SFSWAP: variants seen among roughly 807,000 people sequenced by gnomAD.
The protein encoded by SFSWAP is splicing factor, suppressor of white-apricot homolog.
In SFSWAP, 17 loss-of-function variants were observed where a neutral mutation model predicts 100.7. The observed-to-expected ratio is 0.17, with a 90% CI of 0.12 to 0.25. The LOEUF (loss-of-function observed/expected upper bound fraction) is 0.25, where lower values mean the gene tolerates loss of function less well. Ranked by LOEUF, SFSWAP falls within the 10% of genes least tolerant of loss-of-function variation. The pLI is 1.00. For synonymous variants in SFSWAP, 504 were observed against 510.1 expected, an observed-to-expected ratio of 0.99 and a Z score of 0.16; for missense variants, 1,005 against 1,262.6, an observed-to-expected ratio of 0.80 and a Z score of 3.09.
intron 13 of SFSWAP, among the ~76,000 whole-genome samples, chr12:131,773,128 T>C (rs1242559449): frequency 6.6e-6 from 1 of 152,144 alleles, no homozygotes; most frequent in African/African-American, 2.4e-5. Flanking sequence ...GGGATAGTTG[T>C]CACTTTGGGC....
intron 11 of SFSWAP, among the ~76,000 whole-genome samples, chr12:131,761,140 C>G (rs910669836): frequency 1.3e-5 from 2 of 152,202 alleles, no homozygotes; most frequent in Non-Finnish European, 2.9e-5. Context: ...TTGTACACTT[C>G]TGCCTGGGAA....
At chr12:131,758,772 C>T (rs888460364) in intron 11 of SFSWAP, among the ~76,000 whole-genome samples, 1 of 152,170 alleles carries the variant, frequency 6.6e-6, no homozygotes, top group Non-Finnish European at 1.5e-5. Flanking sequence ...ATGACAAAAC[C>T]CCGTCTCTGC....
Position 131,778,118 on chromosome 12 carries a change from T to C in SFSWAP, c.2196T>C (p.Thr732=). ...PLLTGGRPLP[T]LEVKPPDRPS... is the part of the protein sequence containing the mutation. ...TGACTGGAGGCAGGCCTCTGCCTACTTTAGAAGTTAAACCACCCGATAGGC... is the reference window on the plus strand; with the variant it reads ...TGACTGGAGGCAGGCCTCTGCCTACCTTAGAAGTTAAACCACCCGATAGGC... Residue 732 remains threonine (T), a synonymous_variant, in exon 14 of 18, where the codon ACT becomes ACC. Transcript: ENST00000261674. This position sits in a 1 kb window ranked among gnomAD's most constrained non-coding sequence, Gnocchi z 4.2. The C allele has an allele frequency of 6.2e-7, 1 of 1,613,938 alleles. No individual in the cohort carries two copies. The highest frequency in any genetic ancestry group is 1.3e-5 in the African/African-American group (1 of 74,956).
At chr12:131,741,376 C>T (rs557889413) in intron 7 of SFSWAP, among the ~76,000 whole-genome samples, 1 of 152,130 alleles carries the variant, frequency 6.6e-6, no homozygotes, top group African/African-American at 2.4e-5. Context: ...TGGCTCACAC[C>T]TGTAGTCCCA....
intron 7 of SFSWAP, 147 bp downstream of exon 7, chr12:131,728,575 G>A (rs1879210516): frequency 1.2e-6 from 1 of 816,876 alleles, no homozygotes; most frequent in Non-Finnish European, 1.9e-6. Context: ...TCCCAAGGGA[G>A]AGTGCCACGA....
chr12:131,741,442 G>A (rs1378019781), intron 7 of SFSWAP, among the ~76,000 whole-genome samples: 1 of 152,010 alleles, frequency 6.6e-6, no homozygotes, highest in Non-Finnish European at 1.5e-5. Flanking sequence ...TCAAGACCAG[G>A]CTGGGCAACA....
At chr12:131,764,324 C>T (rs1019035595) in intron 11 of SFSWAP, 132 bp from the exon 12 acceptor site, 5 of 702,790 alleles carry the variant, frequency 7.1e-6, no homozygotes, top group African/African-American at 3.5e-5. Context: ...CGTCCCCCAC[C>T]GTAGACCCTG....
chr12:131,719,872 A>C (rs1052707614), intron 4 of SFSWAP, among the ~76,000 whole-genome samples: 8 of 152,180 alleles, frequency 5.3e-5, no homozygotes, highest in African/African-American at 1.9e-4. Context: ...CATAGATGTA[A>C]AAGCACTCAA....
At chr12:131,719,592 A>C (rs1878275512) in intron 4 of SFSWAP, 53 bp downstream of exon 4, 5 of 1,365,220 alleles carry the variant, frequency 3.7e-6, no homozygotes, top group Non-Finnish European at 5.2e-6. Flanking sequence ...ATCATAATTC[A>C]CTCCTGCTTG....
intron 16 of SFSWAP, 127 bp downstream of exon 16, chr12:131,797,487 C>T: frequency 2.6e-6 from 2 of 780,758 alleles, no homozygotes; most frequent in South Asian, 3.9e-5. Flanking sequence ...AGCCACAAAG[C>T]CAAACCGCAC....
intron 14 of SFSWAP, chr12:131,784,792 T>C: frequency 3.6e-6 from 1 of 278,774 alleles, no homozygotes; most frequent in South Asian, 1.2e-4. Flanking sequence ...ATGGGCGTTT[T>C]CCCCAGATAA....
chr12:131,763,936 C>T (rs1882888637), intron 11 of SFSWAP, among the ~76,000 whole-genome samples: 1 of 151,850 alleles, frequency 6.6e-6, no homozygotes, highest in Admixed American at 6.6e-5. Context: ...ACCATCCTGG[C>T]TAACATGGTG....
intron 7 of SFSWAP, 22 bp from the exon 8 acceptor site, chr12:131,753,101 C>G: frequency 1.2e-6 from 2 of 1,613,440 alleles, no homozygotes; most frequent in Non-Finnish European, 1.7e-6. Context: ...CATGCTCACT[C>G]CGGGGCAATG....
At chr12:131,758,112 C>G (rs1882345007) in intron 11 of SFSWAP, 1 of 152,902 alleles carries the variant, frequency 6.5e-6, no homozygotes, top group Admixed American at 6.5e-5. Context: ...ACAGCCCGAG[C>G]CTGCCTGCTG....
intron 7 of SFSWAP, among the ~76,000 whole-genome samples, chr12:131,742,827 A>T (rs1880775787): frequency 6.6e-6 from 1 of 152,200 alleles, no homozygotes; most frequent in Non-Finnish European, 1.5e-5. Context: ...CACACTGCTG[A>T]TAAAGACATA....
At chr12:131,770,179 A>G (rs752578069) in intron 13 of SFSWAP, among the ~76,000 whole-genome samples, 9 of 152,260 alleles carry the variant, frequency 5.9e-5, no homozygotes, top group Non-Finnish European at 1.2e-4. Flanking sequence ...TTTACTAAGT[A>G]TTCTAGCATC....
intron 13 of SFSWAP, among the ~76,000 whole-genome samples, chr12:131,775,462 G>A (rs1042769131): frequency 3.4e-4 from 52 of 152,184 alleles, no homozygotes; most frequent in African/African-American, 1.0e-3. Flanking sequence ...TGTAGAGGCC[G>A]TGGATACTGG....
In SFSWAP at chr12:131,728,374, C is replaced by T. The variant is rs1260225982; in HGVS notation, c.1027C>T (p.His343Tyr). Residue 343 changes from histidine to tyrosine, a missense_variant, in exon 7 of 18, where the codon CAC becomes TAC. Transcript: ENST00000261674. ...GGCTGACAGTTCCACTCCCACCCCACACAACGCAGACGGTGCGCCTGTGCA... is the reference window on the plus strand; with the variant it reads ...GGCTGACAGTTCCACTCCCACCCCATACAACGCAGACGGTGCGCCTGTGCA... ...AQADSSTPTPHNADGAPVQPS... is the reference protein window; with the variant it reads ...AQADSSTPTPYNADGAPVQPS... 3.7e-6 allele frequency: 6 copies of T among 1,614,280 alleles called. No individual in the cohort carries two copies. Among genetic ancestry groups the T allele is most frequent in the East Asian group, 2.2e-5 (1 of 44,888 alleles).
chr12:131,778,463 T>C lies in SFSWAP; in HGVS notation c.2408+133T>C. On this transcript the variant is annotated intron_variant, in intron 14 of 17. Coordinates refer to ENST00000261674, the MANE Select transcript of SFSWAP (RefSeq NM_004592.4). The surrounding 1 kb of genome is among the most constrained non-coding windows in gnomAD (Gnocchi z 4.2). ...AAGCAGACGCGTGTATGCATGTGCA[T>C]GTGTGCCCTGCAAGTCCAAGTAAGA... is the stretch of plus-strand genomic sequence containing the variant. 7.5e-7 allele frequency: 1 copy of C among 1,335,916 alleles called. No homozygotes were observed. The highest frequency in any genetic ancestry group is 2.6e-5 in the Admixed American group (1 of 38,438). 82.8% of individuals were successfully genotyped at this position (1,335,916 alleles called of 1,614,324 possible).
Sources: allele counts gnomAD v4.1 joint callset (sites outside exome capture counted in the v4.1 genomes callset), GRCh38; gene constraint gnomAD v4.1.1; non-coding constraint Gnocchi (gnomAD v3.1); transcripts MANE v1.5; gene names NCBI Gene and HGNC (gene_info 2026-07-23, HGNC 2026-07-21).